SPAST: variants seen among roughly 807,000 people sequenced by gnomAD.
The protein encoded by SPAST is spastin, also known as spastic paraplegia 4 (autosomal dominant; spastin).
A neutral mutation model predicts 76.6 loss-of-function variants in SPAST; 30 were observed. That is an observed-to-expected ratio of 0.39 (90% confidence interval 0.29 to 0.53). The LOEUF is 0.53. SPAST is among the 20% of genes least tolerant of loss of function. SPAST has a pLI of 0.68. For missense variants in SPAST, 717 were observed against 770.5 expected (o/e 0.93, Z 0.82); for synonymous variants, 305 against 281.0 (o/e 1.09, Z -0.86).
chr2:32,080,494 A>C (rs1481120324), intron 1 of SPAST, among the ~76,000 whole-genome samples: 3 of 138,446 alleles, frequency 2.2e-5, no homozygotes, highest in Non-Finnish European at 4.8e-5. Context: ...CTGCCACCCA[A>C]ATTCTTTCTT....
chr2:32,152,581 A>C (rs1260177695), intron 16 of SPAST, among the ~76,000 whole-genome samples: 1 of 151,994 alleles, frequency 6.6e-6, no homozygotes, highest in Admixed American at 6.6e-5. Context: ...TTTCTATAAC[A>C]AATAAATTTT....
chr2:32,107,677 A>G (rs571935205), intron 4 of SPAST, among the ~76,000 whole-genome samples: 1 of 152,304 alleles, frequency 6.6e-6, no homozygotes, highest in East Asian at 1.9e-4. Context: ...GCAAAATGCA[A>G]AAAAATGTAA....
intron 4 of SPAST, among the ~76,000 whole-genome samples, chr2:32,103,527 C>T (rs1678204568): frequency 6.6e-6 from 1 of 152,072 alleles, no homozygotes; most frequent in Non-Finnish European, 1.5e-5. Context: ...GGTGTTTGCT[C>T]TTGCTTCTCT....
intron 7 of SPAST, among the ~76,000 whole-genome samples, chr2:32,125,597 T>TA (rs1359512543): frequency 6.6e-6 from 1 of 152,144 alleles, no homozygotes; most frequent in South Asian, 2.1e-4. Context: ...TCACTGTTAT[T>TA]AAAGTGTAGG....
At chr2:32,082,744 G>A (rs1677290591) in intron 1 of SPAST, among the ~76,000 whole-genome samples, 2 of 151,924 alleles carry the variant, frequency 1.3e-5, no homozygotes, top group African/African-American at 4.8e-5. Context: ...TTCACTGCAT[G>A]TCATATATAA....
intron 13 of SPAST, 114 bp downstream of exon 13, chr2:32,142,060 G>C (rs1573165357): frequency 2.3e-6 from 2 of 864,266 alleles, no homozygotes; most frequent in Non-Finnish European, 3.8e-6. Flanking sequence ...CAGTTTAGTG[G>C]TTTCTTAAAA....
At chr2:32,133,202 A>C (rs572002472) in intron 9 of SPAST, among the ~76,000 whole-genome samples, 2 of 152,354 alleles carry the variant, frequency 1.3e-5, no homozygotes, top group South Asian at 4.1e-4. Context: ...TCAGTTACAT[A>C]TGTATCTTAA....
chr2:32,089,702 G>C (rs1677634499), intron 3 of SPAST, 97 bp downstream of exon 3: 1 of 749,928 alleles, frequency 1.3e-6, no homozygotes, highest in African/African-American at 1.7e-5. Flanking sequence ...GATTGAAAAT[G>C]TGGTCCAGGC....
intron 2 of SPAST, among the ~76,000 whole-genome samples, chr2:32,088,386 TG>T (rs1677578976): frequency 6.6e-6 from 1 of 151,216 alleles, no homozygotes; most frequent in South Asian, 2.2e-4. Flanking sequence ...GGCTCATGCC[TG>T]TAATCCCAGC....
chr2:32,088,373 AGT>A (rs1454904608), intron 2 of SPAST, among the ~76,000 whole-genome samples: 2 of 149,082 alleles, frequency 1.3e-5, no homozygotes, highest in African/African-American at 2.5e-5. Context: ...GGCCAGGCAC[AGT>A]GGCTCATGCC....
rs142506530 is a variant in SPAST at position 32,086,539 on chromosome 2, GATCACC to G, written c.416-952_416-947del. ...GCACTTTGAGAGGCCAAGGCGGGTG[GATCACC>G]TGAGTTCAAGATCAGCCTGGCCAAC... On this transcript the variant is annotated intron_variant, in intron 1 of 16. Coordinates refer to ENST00000315285, the MANE Select transcript of SPAST (RefSeq NM_014946.4). Among the ~76,000 whole-genome samples the G allele has an allele frequency of 3.7e-3, 564 of 151,764 alleles. 5 individuals carry two copies. The highest frequency in any genetic ancestry group is 0.013 in the African/African-American group (554 of 41,348).
intron 7 of SPAST, among the ~76,000 whole-genome samples, chr2:32,123,541 A>T (rs1307339489): frequency 6.6e-6 from 1 of 152,226 alleles, no homozygotes; most frequent in East Asian, 1.9e-4. Context: ...AGTTTATATG[A>T]AAAGGCAAAA....
chr2:32,153,519 T>C (rs1680156857), intron 16 of SPAST, among the ~76,000 whole-genome samples: 1 of 151,764 alleles, frequency 6.6e-6, no homozygotes, highest in South Asian at 2.1e-4. Context: ...TTTCACCATG[T>C]TGGCCAGGCT....
rs563101404 is a variant in SPAST, at chr2:32,119,149, A to G, written c.1098+2937A>G. On this transcript the variant is annotated intron_variant, in intron 7 of 16. Transcript: ENST00000315285. ...TTTATATCCTGGTACAAACTTGTCT[A>G]TACATCACCACACCTGCCAAATGGA... Among the ~76,000 whole-genome samples, 21 of 152,296 alleles carry G rather than the reference A, an allele frequency of 1.4e-4. No homozygotes were observed. The South Asian group carries it at 4.4e-3, about 32-fold the overall frequency.
intron 4 of SPAST, among the ~76,000 whole-genome samples, chr2:32,105,623 G>A (rs1033949084): frequency 1.3e-5 from 2 of 152,110 alleles, no homozygotes; most frequent in African/African-American, 2.4e-5. Flanking sequence ...TGATGGTGAC[G>A]TACAGATGGG....
At chr2:32,091,687 A>G (rs1420823216) in intron 3 of SPAST, among the ~76,000 whole-genome samples, 1 of 151,872 alleles carries the variant, frequency 6.6e-6, no homozygotes, top group East Asian at 2.0e-4. Context: ...ACAAAAAACT[A>G]GCCAGGTGTG....
At position 32,084,291 on chromosome 2, in the gene SPAST, G is replaced by A. The variant is rs372770593; in HGVS notation, c.416-3201G>A. 2.0e-5 allele frequency among the ~76,000 whole-genome samples: 3 copies of A among 151,752 alleles called. No homozygotes were observed. The South Asian group carries it at 6.2e-4, about 32-fold the overall frequency. On this transcript the variant is annotated intron_variant, in intron 1 of 16. Transcript: ENST00000315285. Reference sequence around the variant, plus strand: ...TTCTCCTGCCTCAGCCTCCGGAGTAGCTGGGACTACAGGCGCCCGCCACCA... The same window carrying A: ...TTCTCCTGCCTCAGCCTCCGGAGTAACTGGGACTACAGGCGCCCGCCACCA...
intron 16 of SPAST, 61 bp downstream of exon 16, chr2:32,147,319 T>A: frequency 1.2e-6 from 1 of 837,726 alleles, no homozygotes; most frequent in Admixed American, 1.9e-5. Context: ...ATATAAGACA[T>A]ACATATATGA....
intron 7 of SPAST, among the ~76,000 whole-genome samples, chr2:32,118,249 A>T (rs893328788): frequency 6.6e-6 from 1 of 152,158 alleles, no homozygotes; most frequent in African/African-American, 2.4e-5. Flanking sequence ...AGTCATTCAC[A>T]TACTGCCTTT....
Sources: gnomAD v4.1 joint callset for allele counts (sites outside exome capture counted in the v4.1 genomes callset) on GRCh38, gnomAD v4.1.1 for gene constraint, MANE v1.5 for transcripts, NCBI Gene and HGNC (gene_info 2026-07-23, HGNC 2026-07-21) for gene names.